The following TMEM117 variants were observed in gnomAD, a reference collection of about 807,000 sequenced individuals.
The protein encoded by TMEM117 is transmembrane protein 117.
A neutral mutation model predicts 52.4 loss-of-function variants in TMEM117; 27 were observed. That is an observed-to-expected ratio of 0.51 (90% CI 0.38 to 0.71). The LOEUF is 0.71. TMEM117 is among the 30% of genes least tolerant of loss of function. The pLI is 0.00. For synonymous variants in TMEM117, 215 were observed against 206.3 expected (o/e 1.04, Z -0.36); for missense variants, 556 against 630.5 (o/e 0.88, Z 1.26).
At chr12:43,903,371 A>G (rs1467045022) in intron 2 of TMEM117, among the ~76,000 whole-genome samples, 1 of 152,232 alleles carries the variant, frequency 6.6e-6, no homozygotes, top group East Asian at 1.9e-4. Context: ...AGAGGGACTT[A>G]TTGAATATAG....
chr12:44,133,450 A>G (rs1334110567), intron 3 of TMEM117, among the ~76,000 whole-genome samples: 2 of 152,160 alleles, frequency 1.3e-5, no homozygotes, highest in African/African-American at 2.4e-5. Flanking sequence ...TGGGTCTGAA[A>G]TGTTCACAAG....
chr12:44,147,663 C>T (rs1020993523), intron 4 of TMEM117, among the ~76,000 whole-genome samples: 2 of 151,938 alleles, frequency 1.3e-5, no homozygotes, highest in African/African-American at 4.8e-5. Context: ...GGGCCGGGCG[C>T]GGTGGCTCAC....
chr12:44,389,714 T>C lies in TMEM117; in HGVS notation c.*1042T>C, dbSNP rs1952146521. On this transcript the variant is annotated 3_prime_UTR_variant, in exon 8 of 8. Coordinates refer to ENST00000266534, the MANE Select transcript of TMEM117 (RefSeq NM_032256.3). ...CGTATGTGTTTTTTGTTTTTGTTTTTTAAGAACTAAATATTGCACATTAAT... is the reference window on the plus strand; with the variant it reads ...CGTATGTGTTTTTTGTTTTTGTTTTCTAAGAACTAAATATTGCACATTAAT... The C allele has an allele frequency of 6.6e-6, 1 of 152,534 alleles. No individual in the cohort carries two copies. Among genetic ancestry groups the C allele is most frequent in the Non-Finnish European group, 1.5e-5 (1 of 68,008 alleles). The allele number at this position is 152,534 out of a possible 1,614,324, so 9.4% of individuals were successfully genotyped here.
intron 3 of TMEM117, among the ~76,000 whole-genome samples, chr12:43,997,931 T>A (rs1402313010): frequency 6.6e-6 from 1 of 152,220 alleles, no homozygotes; most frequent in Admixed American, 6.5e-5. Flanking sequence ...CTTTTAAAGT[T>A]CATGCATGCA....
At chr12:44,344,588 G>C (rs1487143404) in intron 6 of TMEM117, among the ~76,000 whole-genome samples, 1 of 151,970 alleles carries the variant, frequency 6.6e-6, no homozygotes, top group Non-Finnish European at 1.5e-5. Context: ...AAAGGACCTG[G>C]GGTTGGTCTA....
At chr12:43,951,090 T>C (rs1194180788) in intron 3 of TMEM117, among the ~76,000 whole-genome samples, 1 of 152,118 alleles carries the variant, frequency 6.6e-6, no homozygotes, top group Non-Finnish European at 1.5e-5. Flanking sequence ...CCAAGGGAAG[T>C]GGCGGGGGAC....
chr12:43,924,483 A>G (rs567196657), intron 2 of TMEM117, among the ~76,000 whole-genome samples: 48 of 152,324 alleles, frequency 3.2e-4, no homozygotes, highest in Non-Finnish European at 6.3e-4. Flanking sequence ...TTTACTACAT[A>G]AAAGTTGCCC....
chr12:44,192,490 A>G (rs978864178), intron 4 of TMEM117, among the ~76,000 whole-genome samples: 1 of 152,206 alleles, frequency 6.6e-6, no homozygotes, highest in African/African-American at 2.4e-5. Flanking sequence ...TGAAATAAAG[A>G]TTGTCAAACT....
At chr12:44,256,850 C>G (rs1440671588) in intron 5 of TMEM117, among the ~76,000 whole-genome samples, 1 of 150,904 alleles carries the variant, frequency 6.6e-6, no homozygotes, top group Non-Finnish European at 1.5e-5. Flanking sequence ...TTGATTTTAC[C>G]TGTCTCAGTA....
At chr12:44,302,714 C>G (rs543236204) in intron 6 of TMEM117, among the ~76,000 whole-genome samples, 42 of 152,178 alleles carry the variant, frequency 2.8e-4, no homozygotes, top group Non-Finnish European at 5.1e-4. Context: ...CATGTGCAAA[C>G]TGTATCCCTC....
intron 2 of TMEM117, among the ~76,000 whole-genome samples, chr12:43,863,549 T>C (rs1395997320): frequency 2.0e-5 from 3 of 152,194 alleles, no homozygotes; most frequent in Non-Finnish European, 4.4e-5. Flanking sequence ...AGTTCAGGGC[T>C]GACAAAACAG....
chr12:44,141,450 T>C (rs1166333880), intron 3 of TMEM117, among the ~76,000 whole-genome samples: 1 of 152,140 alleles, frequency 6.6e-6, no homozygotes, highest in Non-Finnish European at 1.5e-5. Flanking sequence ...TTTTTAGTTA[T>C]TAGCTGGATG....
At chr12:44,051,321 CAGT>C (rs1946968080) in intron 3 of TMEM117, among the ~76,000 whole-genome samples, 2 of 152,056 alleles carry the variant, frequency 1.3e-5, no homozygotes, top group African/African-American at 4.8e-5. Flanking sequence ...ATAATAATGA[CAGT>C]AATAATAATA....
rs1947491241 is a variant in TMEM117, at chr12:44,082,136, C to T, written c.411-61389C>T. Among the ~76,000 whole-genome samples the T allele has an allele frequency of 2.0e-5, 3 of 151,824 alleles. No homozygotes were observed. In the South Asian group the frequency reaches 6.2e-4, roughly 31 times the overall value. On this transcript the variant is annotated intron_variant, in intron 3 of 7. Transcript: ENST00000266534. ...TAATTCTATTAGAATGACATTGACA[C>T]CATATTAATTTTTATTTACACAGTT...
At chr12:43,846,968 A>G (rs1451486624) in intron 2 of TMEM117, among the ~76,000 whole-genome samples, 1 of 152,192 alleles carries the variant, frequency 6.6e-6, no homozygotes, top group Non-Finnish European at 1.5e-5. Flanking sequence ...TCTTGTGCCT[A>G]TATGTATACA....
chr12:43,920,488 G>T (rs181240643), intron 2 of TMEM117, among the ~76,000 whole-genome samples: 1 of 151,806 alleles, frequency 6.6e-6, no homozygotes, highest in Non-Finnish European at 1.5e-5. Flanking sequence ...ACTCCAGCCT[G>T]GGTGACAGAC....
chr12:44,043,919 T>C (rs1946841045), intron 3 of TMEM117, among the ~76,000 whole-genome samples: 1 of 152,222 alleles, frequency 6.6e-6, no homozygotes, highest in South Asian at 2.1e-4. Flanking sequence ...GTAGGGACTC[T>C]GCATTTAGTG....
At chr12:43,843,981 T>G (rs1943157338) in intron 1 of TMEM117, among the ~76,000 whole-genome samples, 3 of 152,230 alleles carry the variant, frequency 2.0e-5, no homozygotes, top group Non-Finnish European at 2.9e-5. Flanking sequence ...GGAGAGAATA[T>G]TGTTTAACTT....
chr12:44,105,157 T>G (rs1416025556), intron 3 of TMEM117, among the ~76,000 whole-genome samples: 1 of 151,838 alleles, frequency 6.6e-6, no homozygotes. Context: ...TTCTGTTTGA[T>G]TTTTTTTCAG....
Sources: allele counts gnomAD v4.1 joint callset (sites outside exome capture counted in the v4.1 genomes callset), GRCh38; gene constraint gnomAD v4.1.1; transcripts MANE v1.5; gene names NCBI Gene and HGNC (gene_info 2026-07-23, HGNC 2026-07-21).